The following ANKS1A variants were observed in gnomAD, a reference collection of about 807,000 sequenced individuals.
ANKS1A encodes ankyrin repeat and SAM domain-containing protein 1A.
A neutral mutation model predicts 120.3 loss-of-function variants in ANKS1A; 55 were observed. The ratio of observed to expected loss-of-function variants is 0.46; its 90% CI spans 0.37 to 0.57. The LOEUF (loss-of-function observed/expected upper bound fraction) is 0.57, where lower values mean the gene tolerates loss of function less well. ANKS1A is among the 20% of genes least tolerant of loss of function. ANKS1A has a pLI of 0.00. For missense variants in ANKS1A, 1,123 were observed against 1,480.3 expected, an observed-to-expected ratio of 0.76 and a Z score of 3.96; for synonymous variants, 590 against 604.7, an observed-to-expected ratio of 0.98 and a Z score of 0.36.
intron 13 of ANKS1A, among the ~76,000 whole-genome samples, chr6:35,078,142 C>T (rs1025695902): frequency 4.6e-5 from 7 of 152,186 alleles, no homozygotes; most frequent in Non-Finnish European, 1.0e-4. Flanking sequence ...TGTCACCAGC[C>T]ACCCGCCTGA....
At chr6:34,936,706 C>T (rs541940918) in intron 1 of ANKS1A, among the ~76,000 whole-genome samples, 12 of 152,254 alleles carry the variant, frequency 7.9e-5, no homozygotes, top group African/African-American at 2.2e-4. Context: ...CAAGGATATT[C>T]GGTTTCCTCA....
rs562964997 is a variant in ANKS1A at position 35,057,349 on chromosome 6, G to A, written c.2078-2798G>A. 3.9e-5 allele frequency among the ~76,000 whole-genome samples: 6 copies of A among 152,248 alleles called. No homozygotes were observed. In the South Asian group the frequency reaches 1.2e-3, roughly 32 times the overall value. On this transcript the variant is annotated intron_variant, in intron 12 of 23. Transcript: ENST00000360359. The surrounding 1 kb of genome is among the most constrained non-coding windows in gnomAD (Gnocchi z 4.1). Reference sequence around the variant, plus strand: ...GGCTCTGTCAACAAAGGCCTTCTCCGTCAAGCAGAAGGGAACTTGCTTGGC... The same window carrying A: ...GGCTCTGTCAACAAAGGCCTTCTCCATCAAGCAGAAGGGAACTTGCTTGGC...
At chr6:34,913,623 T>C (rs1427570031) in intron 1 of ANKS1A, among the ~76,000 whole-genome samples, 1 of 150,968 alleles carries the variant, frequency 6.6e-6, no homozygotes. Context: ...AAATAGTTTG[T>C]TGTTGTTGTT....
downstream of ANKS1A, among the ~76,000 whole-genome samples, chr6:35,093,993 G>A (rs189209147): frequency 8.4e-3 from 1,286 of 152,328 alleles, 9 homozygotes; most frequent in Middle Eastern, 0.02. Context: ...TTGGGAGTCA[G>A]TGGAAACTAC....
chr6:34,985,143 G>A lies in ANKS1A; in HGVS notation c.1074G>A (p.Glu358=), dbSNP rs748572110. 4.3e-6 allele frequency: 7 copies of A among 1,614,052 alleles called. No homozygotes were observed. In the African/African-American group the frequency reaches 6.7e-5, roughly 15 times the overall value. The stretch of plus-strand genomic sequence containing the variant: ...ATTTTGATGCAAATGCTGAAGAAGA[G>A]GGTCCCTACGAAGCTCTGTATAATG... ...IIDFDANAEE[E]GPYEALYNAI... is the part of the protein sequence containing the mutation. Residue 358 remains glutamate (E), a synonymous_variant, in exon 8 of 24, where the codon GAG becomes GAA. Transcript: ENST00000360359.
At chr6:35,048,865 A>G (rs1775841381) in intron 11 of ANKS1A, among the ~76,000 whole-genome samples, 1 of 152,178 alleles carries the variant, frequency 6.6e-6, no homozygotes, top group Admixed American at 6.5e-5. Flanking sequence ...TCAGTCGCTC[A>G]GCCCCCGGCT....
At chr6:35,080,931 G>A (rs1023835596) in intron 16 of ANKS1A, 63 bp from the exon 17 acceptor site, 3 of 1,568,678 alleles carry the variant, frequency 1.9e-6, no homozygotes, top group Non-Finnish European at 2.6e-6. Context: ...GGGGCTGGCT[G>A]ATACCTGTAG....
intron 11 of ANKS1A, among the ~76,000 whole-genome samples, chr6:35,042,873 A>G (rs1182536994): frequency 6.6e-6 from 1 of 152,200 alleles, no homozygotes; most frequent in Non-Finnish European, 1.5e-5. Flanking sequence ...TGTATCCTCC[A>G]TGGTTATATT....
At chr6:35,077,093 G>C (rs2127604051) in intron 13 of ANKS1A, among the ~76,000 whole-genome samples, 1 of 152,278 alleles carries the variant, frequency 6.6e-6, no homozygotes, top group East Asian at 1.9e-4. Flanking sequence ...ACTGCAGGGA[G>C]ACTCTTTCCC....
intron 1 of ANKS1A, among the ~76,000 whole-genome samples, chr6:34,916,118 G>A (rs774524291): frequency 4.7e-5 from 7 of 149,618 alleles, no homozygotes; most frequent in Non-Finnish European, 8.9e-5. Context: ...TCAGCCTCCC[G>A]AGTAGCTGAG....
intron 3 of ANKS1A, among the ~76,000 whole-genome samples, chr6:34,973,898 C>CT (rs2127516561): frequency 1.5e-5 from 1 of 64,576 alleles, no homozygotes; most frequent in Admixed American, 1.4e-4. Context: ...CTTCCCCTTC[C>CT]CTTCCCCTTC....
intron 1 of ANKS1A, among the ~76,000 whole-genome samples, chr6:34,907,005 T>A (rs1460651784): frequency 3.3e-5 from 5 of 152,194 alleles, no homozygotes; most frequent in African/African-American, 9.6e-5. Context: ...TATCCCCAGA[T>A]GTGATGTGAT....
chr6:35,018,165 G>C, intron 11 of ANKS1A, 106 bp downstream of exon 11: 1 of 1,172,244 alleles, frequency 8.5e-7, no homozygotes, highest in Admixed American at 2.3e-5. Context: ...GGGCAAGGTT[G>C]CTCTGGTTCC....
intron 11 of ANKS1A, among the ~76,000 whole-genome samples, chr6:35,029,281 GT>G (rs970733674): frequency 2.3e-5 from 3 of 130,518 alleles, no homozygotes; most frequent in Admixed American, 1.5e-4. Flanking sequence ...GTATTTTTAT[GT>G]TTTTTTTAAC....
chr6:35,045,996 C>G (rs1775702643), intron 11 of ANKS1A, among the ~76,000 whole-genome samples: 1 of 152,174 alleles, frequency 6.6e-6, no homozygotes, highest in Non-Finnish European at 1.5e-5. Flanking sequence ...TCACATACTC[C>G]AGAATTTTGA....
Position 35,088,586 on chromosome 6 carries a change from C to A in ANKS1A, c.3402-20C>A. On this transcript the variant is annotated intron_variant, in intron 23 of 23. Coordinates refer to ENST00000360359, the MANE Select transcript of ANKS1A (RefSeq NM_015245.3). ...CCATTGGTTAACCCTTTCCTCCCCCCATTGTTTGCTTCTGCCAAGCTGAGC... is the reference window on the plus strand; with the variant it reads ...CCATTGGTTAACCCTTTCCTCCCCCAATTGTTTGCTTCTGCCAAGCTGAGC... 2 of 1,614,180 alleles carry A rather than the reference C, an allele frequency of 1.2e-6. No homozygotes were observed. The highest frequency in any genetic ancestry group is 1.7e-6 in the Non-Finnish European group (2 of 1,180,010).
At chr6:34,977,998 AC>A in intron 3 of ANKS1A, among the ~76,000 whole-genome samples, 1 of 151,692 alleles carries the variant, frequency 6.6e-6, no homozygotes, top group Admixed American at 6.6e-5. Context: ...TCACTCTGTC[AC>A]CCAGGCTGGA....
chr6:35,090,649 T>C lies in ANKS1A; in HGVS notation c.*2040T>C. 1 of 992,086 alleles carries C rather than the reference T, an allele frequency of 1.0e-6. No individual in the cohort carries two copies. The highest frequency in any genetic ancestry group is 4.6e-5 in the South Asian group (1 of 21,878). 61.5% of individuals were successfully genotyped at this position (992,086 alleles called of 1,614,324 possible). A position where few individuals can be genotyped will look rare whatever the true frequency, so the allele number is the denominator to read the frequency against. On this transcript the variant is annotated 3_prime_UTR_variant, in exon 24 of 24. Transcript: ENST00000360359. ...TGGGCCTTTCTTTCTTTTCTTCTCC[T>C]CTGGGATGGGTAGTCTCCCTTTCCT...
intron 1 of ANKS1A, among the ~76,000 whole-genome samples, chr6:34,951,470 T>C (rs914917966): frequency 1.3e-5 from 2 of 152,178 alleles, no homozygotes; most frequent in African/African-American, 2.4e-5. Context: ...CACGTGTCAG[T>C]TGCATGTGTG....
Sources: allele counts gnomAD v4.1 joint callset (sites outside exome capture counted in the v4.1 genomes callset), GRCh38; gene constraint gnomAD v4.1.1; non-coding constraint Gnocchi (gnomAD v3.1); transcripts MANE v1.5; gene names NCBI Gene and HGNC (gene_info 2026-07-23, HGNC 2026-07-21).